Variants in STRN observed in about 807,000 individuals in gnomAD.
The protein encoded by STRN is protein phosphatase 2 regulatory subunit B'''alpha.
STRN carries 53 observed loss-of-function variants against 96.3 expected under a neutral mutation model. That is an observed-to-expected ratio of 0.55 (90% CI 0.44 to 0.69). The LOEUF is 0.69. STRN is among the 30% of genes least tolerant of loss of function. STRN has a pLI of 0.00. For missense variants in STRN, 987 were observed against 963.9 expected, an observed-to-expected ratio of 1.02 and a Z score of -0.32; for synonymous variants, 428 against 355.9, an observed-to-expected ratio of 1.20 and a Z score of -2.28.
intron 1 of STRN, among the ~76,000 whole-genome samples, chr2:36,945,219 GAAAT>G (rs1378764183): frequency 6.6e-6 from 1 of 152,194 alleles, no homozygotes; most frequent in East Asian, 1.9e-4. Flanking sequence ...TAAAAGAAGG[GAAAT>G]AAATATGAGA....
At position 36,902,741 on chromosome 2, in the gene STRN, C is replaced by T. The variant is rs752582228; in HGVS notation, c.502G>A (p.Glu168Lys). ...AGAATAGTATCTGTATAACCCACCTCCTGTAGATACCTGTGTGAAGAGAAT... is the reference window on the plus strand; with the variant it reads ...AGAATAGTATCTGTATAACCCACCTTCTGTAGATACCTGTGTGAAGAGAAT... ...GRQLLRQYLQ[E>K]VGYTDTILDV... is the part of the protein sequence containing the mutation. Residue 168 changes from glutamate to lysine, a missense_variant, in exon 5 of 18, where the codon GAG becomes AAG. Physicochemically the swap from Glu to Lys is moderately conservative, Grantham distance 56 (BLOSUM62 1). Coordinates refer to ENST00000263918, the MANE Select transcript of STRN (RefSeq NM_003162.4). The T allele has an allele frequency of 2.3e-4, 362 of 1,602,446 alleles. No individual in the cohort carries two copies. The highest frequency in any genetic ancestry group is 3.0e-4 in the Non-Finnish European group (351 of 1,173,280).
At chr2:36,870,560 G>A (rs949212581) in intron 10 of STRN, among the ~76,000 whole-genome samples, 2 of 152,112 alleles carry the variant, frequency 1.3e-5, no homozygotes, top group Non-Finnish European at 2.9e-5. Context: ...TAACATCATA[G>A]CTGTTTTAAT....
chr2:36,964,620 G>A (rs1446532524), intron 1 of STRN, among the ~76,000 whole-genome samples: 1 of 152,116 alleles, frequency 6.6e-6, no homozygotes, highest in Non-Finnish European at 1.5e-5. Context: ...AGACTTACAA[G>A]GAAATCATAG....
rs150298372 is a variant in STRN, at chr2:36,839,309, G to C, written c.*10147C>G. ...CTTGTTCCCCCACCTGGAATGTGCT[G>C]CATCAGGTGAAGTTTTTGTTTACTG... On this transcript the variant is annotated 3_prime_UTR_variant, in exon 18 of 18. Transcript: ENST00000263918. Among the ~76,000 whole-genome samples the C allele has an allele frequency of 1.6e-3, 250 of 152,186 alleles. 1 individual carries two copies. Among genetic ancestry groups the C allele is most frequent in the Admixed American group, 3.5e-3 (54 of 15,282 alleles).
At chr2:36,935,912 A>G (rs1183656492) in intron 1 of STRN, among the ~76,000 whole-genome samples, 1 of 152,142 alleles carries the variant, frequency 6.6e-6, no homozygotes, top group Non-Finnish European at 1.5e-5. Flanking sequence ...TTTTTTGCCT[A>G]TACAAAGGTG....
intron 13 of STRN, among the ~76,000 whole-genome samples, chr2:36,858,873 A>T (rs1241652128): frequency 6.6e-6 from 1 of 152,212 alleles, no homozygotes. Context: ...AAAGTACAAT[A>T]ATTGTGACAG....
chr2:36,957,744 CTTTTT>C (rs1159531782), intron 1 of STRN, among the ~76,000 whole-genome samples: 2 of 89,208 alleles, frequency 2.2e-5, no homozygotes, highest in African/African-American at 4.5e-5. Flanking sequence ...TTCTTTTTGT[CTTTTT>C]TTTTTTTTTT....
chr2:36,931,597 T>C (rs1482957137), intron 1 of STRN, among the ~76,000 whole-genome samples: 1 of 152,192 alleles, frequency 6.6e-6, no homozygotes, highest in African/African-American at 2.4e-5. Context: ...GGGACTAAAG[T>C]AGTGACAAAA....
chr2:36,902,679 G>T lies in STRN; in HGVS notation c.564C>A (p.Gly188=). 2 of 1,612,016 alleles carry T rather than the reference G, an allele frequency of 1.2e-6. No individual in the cohort carries two copies. Among genetic ancestry groups the T allele is most frequent in the Non-Finnish European group, 1.7e-6 (2 of 1,178,586 alleles). Residue 188 remains glycine, a synonymous_variant, in exon 5 of 18, where the codon GGC becomes GGA. Coordinates refer to ENST00000263918, the MANE Select transcript of STRN (RefSeq NM_003162.4). ...VKSKRVRALL[G]FSSDVTDRED... is the part of the protein sequence containing the mutation. ...CCCTGTCCGTGACATCACTTGAAAAGCCCAACAAAGCTCGCACTCGTTTAG... is the reference window on the plus strand; with the variant it reads ...CCCTGTCCGTGACATCACTTGAAAATCCCAACAAAGCTCGCACTCGTTTAG...
chr2:36,915,057 C>T (rs1384904169), intron 3 of STRN, among the ~76,000 whole-genome samples: 3 of 150,774 alleles, frequency 2.0e-5, no homozygotes, highest in Admixed American at 6.6e-5. Flanking sequence ...ATTAGCCAGG[C>T]CTGGTGGTGG....
intron 5 of STRN, among the ~76,000 whole-genome samples, chr2:36,900,213 AT>A (rs1403871923): frequency 1.3e-5 from 2 of 152,184 alleles, no homozygotes; most frequent in Non-Finnish European, 2.9e-5. Context: ...TGGTAATCTA[AT>A]GTAAAAAACT....
At chr2:36,913,723 T>C (rs945836254) in intron 3 of STRN, among the ~76,000 whole-genome samples, 6 of 152,160 alleles carry the variant, frequency 3.9e-5, no homozygotes, top group African/African-American at 9.7e-5. Flanking sequence ...GAATGGATGG[T>C]TGGAAAGATA....
intron 2 of STRN, 119 bp downstream of exon 2, chr2:36,924,986 G>T: frequency 2.6e-6 from 2 of 772,410 alleles, no homozygotes; most frequent in Non-Finnish European, 4.3e-6. Flanking sequence ...AAACCGGGAG[G>T]CGGAGGTCGC....
At chr2:36,869,400 T>C (rs1668708988) in intron 11 of STRN, among the ~76,000 whole-genome samples, 154 bp downstream of exon 11, 1 of 152,104 alleles carries the variant, frequency 6.6e-6, no homozygotes, top group Non-Finnish European at 1.5e-5. Flanking sequence ...TAGCATTAGG[T>C]TGTATAAATG....
At chr2:36,865,571 C>CT (rs1478478278) in intron 12 of STRN, among the ~76,000 whole-genome samples, 3 of 151,480 alleles carry the variant, frequency 2.0e-5, no homozygotes, top group Non-Finnish European at 4.4e-5. Context: ...TGAGATCTAA[C>CT]TTTTTTTTGA....
chr2:36,893,693 G>GTT (rs200488028), intron 7 of STRN, among the ~76,000 whole-genome samples: 4 of 150,406 alleles, frequency 2.7e-5, no homozygotes, highest in African/African-American at 9.8e-5. Flanking sequence ...TATTGTTGTT[G>GTT]TTTTTTTTTC....
At chr2:36,875,757 C>T (rs1251181315) in intron 10 of STRN, among the ~76,000 whole-genome samples, 2 of 150,876 alleles carry the variant, frequency 1.3e-5, no homozygotes, top group Non-Finnish European at 2.9e-5. Flanking sequence ...CCCGGGTTCA[C>T]GCCATTCTCC....
Position 36,840,411 on chromosome 2 carries a change from T to C in STRN, c.*9045A>G, listed in dbSNP as rs1667923953. On this transcript the variant is annotated 3_prime_UTR_variant, in exon 18 of 18. Coordinates refer to ENST00000263918, the MANE Select transcript of STRN (RefSeq NM_003162.4). Reference sequence around the variant, plus strand: ...ACTGGAACTGTGCAGTATAAAGACGTTGCTACTCAGGCATTTTGTTGCTAC... The same window carrying C: ...ACTGGAACTGTGCAGTATAAAGACGCTGCTACTCAGGCATTTTGTTGCTAC... The C allele has an allele frequency of 2.6e-5, 4 of 152,104 alleles. No individual in the cohort carries two copies. Among genetic ancestry groups the C allele is most frequent in the Admixed American group, 2.6e-4 (4 of 15,256 alleles). 9.4% of individuals were successfully genotyped at this position (152,104 alleles called of 1,614,324 possible).
At chr2:36,864,125 C>T (rs904957008) in intron 12 of STRN, among the ~76,000 whole-genome samples, 1 of 152,152 alleles carries the variant, frequency 6.6e-6, no homozygotes, top group South Asian at 2.1e-4. Flanking sequence ...GACTGCCTTT[C>T]TTCCTATTTG....
Sources: gnomAD v4.1 joint callset for allele counts (sites outside exome capture counted in the v4.1 genomes callset) on GRCh38, gnomAD v4.1.1 for gene constraint, MANE v1.5 for transcripts, NCBI Gene and HGNC (gene_info 2026-07-23, HGNC 2026-07-21) for gene names.